GAS2: variants seen among roughly 807,000 people sequenced by gnomAD.
GAS2 encodes growth arrest-specific protein 2.
Under a neutral mutation model 37.5 loss-of-function variants are expected in GAS2, and 20 were observed. The ratio of observed to expected loss-of-function variants is 0.53; its 90% CI spans 0.37 to 0.77. The LOEUF is 0.77. Among genes scored for constraint, GAS2 ranks in the 30% least tolerant of loss-of-function variants. The pLI is 0.00. For missense variants in GAS2, 336 were observed against 373.4 expected (o/e 0.90, Z 0.82); for synonymous variants, 144 against 132.2 (o/e 1.09, Z -0.61).
rs559168509 is a variant in GAS2, at chr11:22,719,115, T to C, written c.268-7177T>C. The stretch of plus-strand genomic sequence containing the variant: ...GATGTTTTCATATATGCATACGTTA[T>C]GAAATGATTAAATCAAGGTAATTAA... On this transcript the variant is annotated intron_variant, in intron 3 of 7. Coordinates refer to ENST00000454584, the MANE Select transcript of GAS2 (RefSeq NM_001143830.3). 9.2e-5 allele frequency among the ~76,000 whole-genome samples: 14 copies of C among 152,270 alleles called. No individual in the cohort carries two copies. The East Asian group carries it at 1.7e-3, about 19-fold the overall frequency.
At chr11:22,674,806 A>G in intron 1 of GAS2, 44 bp from the exon 2 acceptor site, 1 of 1,431,848 alleles carries the variant, frequency 7.0e-7, no homozygotes, top group South Asian at 1.4e-5. Context: ...ATTTTGTGAG[A>G]GAAGTCTGTA....
intron 6 of GAS2, among the ~76,000 whole-genome samples, chr11:22,750,018 TA>T (rs558681304): frequency 8.6e-5 from 13 of 152,040 alleles, no homozygotes; most frequent in Middle Eastern, 3.4e-3. Context: ...AGTGCAAATA[TA>T]AAAAAAATTA....
intron 2 of GAS2, among the ~76,000 whole-genome samples, chr11:22,681,691 AC>A (rs1283793515): frequency 6.6e-6 from 1 of 152,248 alleles, no homozygotes; most frequent in Non-Finnish European, 1.5e-5. Flanking sequence ...AACCAGGTGC[AC>A]AATTTAAACT....
chr11:22,708,796 A>T (rs1243319704), intron 3 of GAS2, among the ~76,000 whole-genome samples: 1 of 152,176 alleles, frequency 6.6e-6, no homozygotes, highest in Non-Finnish European at 1.5e-5. Flanking sequence ...TAATCAGTTA[A>T]TCATATGAAG....
At chr11:22,702,070 G>C (rs1850870551) in intron 3 of GAS2, 1 of 152,058 alleles carries the variant, frequency 6.6e-6, no homozygotes, top group South Asian at 2.1e-4. Context: ...AAATACAGGA[G>C]CTACACATGC....
chr11:22,798,702 T>C (rs1856536455), intron 7 of GAS2, among the ~76,000 whole-genome samples: 1 of 152,072 alleles, frequency 6.6e-6, no homozygotes, highest in Non-Finnish European at 1.5e-5. Flanking sequence ...TCCCCACCTT[T>C]GGCAAGGACG....
intron 3 of GAS2, chr11:22,702,149 G>A (rs566667388): frequency 1.3e-5 from 2 of 152,096 alleles, no homozygotes; most frequent in Non-Finnish European, 2.9e-5. Flanking sequence ...AAACTGATTA[G>A]TTTGACCATT....
chr11:22,705,737 G>A (rs933214863), intron 3 of GAS2, among the ~76,000 whole-genome samples: 3 of 152,170 alleles, frequency 2.0e-5, no homozygotes, highest in Non-Finnish European at 4.4e-5. Context: ...CATGCTTCAT[G>A]CCTTTGTGGA....
rs115291129 is a variant in GAS2, at chr11:22,726,158, C to T, written c.268-134C>T. 4.0e-3 allele frequency: 3,200 copies of T among 798,616 alleles called. 63 individuals are homozygous for T. The African/African-American group carries it at 0.047, about 12-fold the overall frequency. 49.5% of individuals were successfully genotyped at this position (798,616 alleles called of 1,614,324 possible). On this transcript the variant is annotated intron_variant, in intron 3 of 7. Transcript: ENST00000454584. ...GGTTAATTGCATAGCATTATATTTC[C>T]TTTCTAGGGTTCTTTGCAAACCTAC...
In GAS2 at chr11:22,638,858, G is replaced by A. The variant is rs183266980; in HGVS notation, c.-21+13045G>A. On this transcript the variant is annotated intron_variant, in intron 1 of 5. Transcript: ENST00000528582. ...CATCTTCAGACAAGGCAGTCATAGA[G>A]GGTTTTTTCCTCATCCAGAAATCTA... 5.2e-3 allele frequency among the ~76,000 whole-genome samples: 796 copies of A among 152,128 alleles called. 8 individuals carry two copies. The highest frequency in any genetic ancestry group is 0.018 in the African/African-American group (746 of 41,488).
At chr11:22,684,047 G>A (rs982464651) in intron 2 of GAS2, among the ~76,000 whole-genome samples, 18 of 152,238 alleles carry the variant, frequency 1.2e-4, no homozygotes, top group African/African-American at 4.1e-4. Context: ...TGTCCAAGGA[G>A]GTAGAAGGTA....
At chr11:22,798,954 A>G (rs1856545995) in intron 7 of GAS2, among the ~76,000 whole-genome samples, 2 of 152,114 alleles carry the variant, frequency 1.3e-5, no homozygotes, top group Non-Finnish European at 2.9e-5. Context: ...CTGTTGTCCT[A>G]TAAATTAATT....
intron 1 of GAS2, among the ~76,000 whole-genome samples, chr11:22,648,301 A>G (rs967132723): frequency 7.2e-5 from 11 of 151,946 alleles, no homozygotes; most frequent in African/African-American, 9.7e-5. Flanking sequence ...TTTGGTACCA[A>G]TACCATGCTG....
At chr11:22,790,989 A>G (rs2041466) in intron 7 of GAS2, among the ~76,000 whole-genome samples, 68,263 of 151,996 alleles carry the variant, frequency 0.45, 15,670 homozygotes, top group African/African-American at 0.55. Context: ...CACTGAGAGC[A>G]TAGATAACAA....
intron 1 of GAS2, among the ~76,000 whole-genome samples, chr11:22,628,720 G>T (rs1336722904): frequency 1.3e-5 from 2 of 151,978 alleles, no homozygotes; most frequent in Non-Finnish European, 2.9e-5. Flanking sequence ...TGAGATTTTA[G>T]TTCACCCTCT....
intron 1 of GAS2, among the ~76,000 whole-genome samples, chr11:22,636,128 A>T (rs1858818157): frequency 6.6e-6 from 1 of 151,930 alleles, no homozygotes; most frequent in South Asian, 2.1e-4. Context: ...TGTTTTTTTC[A>T]GTTTTCCTGT....
In GAS2 at chr11:22,682,345, C is replaced by G. The variant is rs576734123; in HGVS notation, c.146-3323C>G. Among the ~76,000 whole-genome samples the G allele has an allele frequency of 4.5e-3, 680 of 151,918 alleles. 2 individuals are homozygous for G. Among genetic ancestry groups the G allele is most frequent in the Non-Finnish European group, 7.9e-3 (539 of 67,942 alleles). On this transcript the variant is annotated intron_variant, in intron 2 of 7. Coordinates refer to ENST00000454584, the MANE Select transcript of GAS2 (RefSeq NM_001143830.3). The stretch of plus-strand genomic sequence containing the variant: ...GTTGTTTTAAGTATATTGTAACTAT[C>G]TTATAACTTAAAATTATGAATGGAA...
chr11:22,788,094 A>G (rs1396786478), intron 7 of GAS2, among the ~76,000 whole-genome samples: 3 of 152,166 alleles, frequency 2.0e-5, no homozygotes, highest in African/African-American at 7.2e-5. Context: ...TCTGCAAGTA[A>G]AAGGAATGTA....
intron 7 of GAS2, among the ~76,000 whole-genome samples, chr11:22,767,998 C>T (rs1420147917): frequency 6.6e-6 from 1 of 152,162 alleles, no homozygotes; most frequent in Admixed American, 6.6e-5. Context: ...GCACCTCCTT[C>T]ATCTAAACGG....
Sources: gnomAD v4.1 joint callset for allele counts (sites outside exome capture counted in the v4.1 genomes callset) on GRCh38, gnomAD v4.1.1 for gene constraint, MANE v1.5 for transcripts, NCBI Gene and HGNC (gene_info 2026-07-23, HGNC 2026-07-21) for gene names.